KRT28: variants seen among roughly 807,000 people sequenced by gnomAD.
KRT28 encodes the protein keratin 28.
KRT28 carries 45 observed loss-of-function variants against 48.1 expected under a neutral mutation model. The ratio of observed to expected loss-of-function variants is 0.94; its 90% CI spans 0.74 to 1.20. The LOEUF is 1.20. Ranked by LOEUF, KRT28 falls within the 50% of genes most tolerant of loss-of-function variation. KRT28 has a pLI of 0.00. For synonymous variants in KRT28, 228 were observed against 227.4 expected (o/e 1.00, Z -0.03); for missense variants, 571 against 574.1 (o/e 0.99, Z 0.06).
Position 40,799,913 on chromosome 17 carries a change from A to G in KRT28, c.-20T>C. 4.4e-6 allele frequency: 7 copies of G among 1,575,290 alleles called. No individual in the cohort carries two copies. Among genetic ancestry groups the G allele is most frequent in the Non-Finnish European group, 6.1e-6 (7 of 1,153,266 alleles). On this transcript the variant is annotated 5_prime_UTR_variant, in exon 1 of 8. Transcript: ENST00000306658. ...AGACATGGTGTTTTGAGAAATGTTC[A>G]CCTTGTCTATGCAAAACTGTAATGT...
intron 2 of KRT28, 41 bp from the exon 3 acceptor site, chr17:40,798,432 A>C (rs1904672327): frequency 1.3e-6 from 2 of 1,570,150 alleles, no homozygotes; most frequent in Admixed American, 3.5e-5. Flanking sequence ...CAGTAAGACT[A>C]CCCCAAGAAA....
chr17:40,794,243 C>T (rs1221293200), intron 5 of KRT28, among the ~76,000 whole-genome samples, 197 bp from the exon 6 acceptor site: 7 of 152,158 alleles, frequency 4.6e-5, no homozygotes, highest in South Asian at 2.1e-4. Context: ...GATCCTGACC[C>T]GGGATAAATG....
intron 5 of KRT28, among the ~76,000 whole-genome samples, chr17:40,794,770 G>A (rs1264333500): frequency 6.6e-6 from 1 of 152,030 alleles, no homozygotes; most frequent in Non-Finnish European, 1.5e-5. Context: ...AAATATGTCT[G>A]GGCAATTATT....
In KRT28 at chr17:40,796,982, G is replaced by T; in HGVS notation, c.912C>A (p.Ser304Arg). 1.9e-6 allele frequency: 3 copies of T among 1,612,948 alleles called. No individual in the cohort carries two copies. Among genetic ancestry groups the T allele is most frequent in the Non-Finnish European group, 2.5e-6 (3 of 1,179,742 alleles). Residue 304 changes from serine to arginine, a missense_variant, in exon 5 of 8, where the codon AGC (serine) becomes AGA (arginine). Ser to Arg is a moderately radical substitution (Grantham distance 110). Transcript: ENST00000306658. ...GGGTGCGCCTCATCTCGGTGAGCTG[G>T]CTCCGGGCGAAAGTGGCTGCGCCTG... ...HDSGAATFAR[S>R]QLTEMRRTLQ...
chr17:40,796,995 G>C lies in KRT28; in HGVS notation c.899C>G (p.Thr300Ser). Reference sequence around the variant, plus strand: ...CTCGGTGAGCTGGCTCCGGGCGAAAGTGGCTGCGCCTGAGTCGTGGGAGAT... The same window carrying C: ...CTCGGTGAGCTGGCTCCGGGCGAAACTGGCTGCGCCTGAGTCGTGGGAGAT... The part of the protein sequence containing the change: ...QQISHDSGAA[T>S]FARSQLTEMR... The change falls in exon 5 of 8, where the codon ACT becomes AGT. Residue 300 changes from threonine (T) to serine (S), a missense_variant. Physicochemically the swap from Thr to Ser is moderately conservative, Grantham distance 58. Transcript: ENST00000306658. The C allele has an allele frequency of 6.2e-7, 1 of 1,613,104 alleles. No homozygotes were observed. The highest frequency in any genetic ancestry group is 8.5e-7 in the Non-Finnish European group (1 of 1,179,724).
intron 5 of KRT28, among the ~76,000 whole-genome samples, chr17:40,794,590 T>C (rs1001556953): frequency 3.9e-5 from 6 of 152,136 alleles, no homozygotes; most frequent in African/African-American, 1.4e-4. Flanking sequence ...TTAACAGATG[T>C]GAGATTTCAA....
chr17:40,799,375 TG>T (rs1309398530), intron 1 of KRT28, 68 bp downstream of exon 1: 6 of 1,192,218 alleles, frequency 5.0e-6, no homozygotes, highest in Non-Finnish European at 7.1e-6. Context: ...CATTTCTTAT[TG>T]TATGTCTTTT....
At chr17:40,797,511 G>A (rs1395885952) in intron 3 of KRT28, among the ~76,000 whole-genome samples, 10 of 152,296 alleles carry the variant, frequency 6.6e-5, no homozygotes, top group Admixed American at 3.3e-4. Context: ...CACTTTGGGA[G>A]GCTGAGGCGG....
At chr17:40,798,669 T>C (rs138100979) in intron 2 of KRT28, among the ~76,000 whole-genome samples, 26 of 152,324 alleles carry the variant, frequency 1.7e-4, no homozygotes, top group Non-Finnish European at 2.9e-4. Flanking sequence ...CTTAGTTGAC[T>C]AATGATTTAC....
chr17:40,797,470 C>A (rs1164744395), intron 3 of KRT28, among the ~76,000 whole-genome samples, 189 bp from the exon 4 acceptor site: 1 of 152,126 alleles, frequency 6.6e-6, no homozygotes, highest in South Asian at 2.1e-4. Flanking sequence ...AACTGTTGAC[C>A]GGGCGAGGTG....
intron 1 of KRT28, 106 bp downstream of exon 1, chr17:40,799,338 T>A: frequency 1.1e-6 from 1 of 941,114 alleles, no homozygotes; most frequent in Non-Finnish European, 1.6e-6. Flanking sequence ...TCTAAATAAA[T>A]AAATACAAGT....
In KRT28 at chr17:40,794,194, T is replaced by C. The variant is rs1904558835; in HGVS notation, c.979-148A>G. ...CAATCAAATGGGAAAGAAAGGAGGC[T>C]GGCATTTATGAAGTGAGGGCCAGGC... On this transcript the variant is annotated intron_variant, in intron 5 of 7. Transcript: ENST00000306658. 5.1e-6 allele frequency: 5 copies of C among 977,674 alleles called. No individual in the cohort carries two copies. The Admixed American group carries it at 1.0e-4, about 20-fold the overall frequency. The allele number at this position is 977,674 out of a possible 1,614,324, so 60.6% of individuals were successfully genotyped here.
intron 5 of KRT28, among the ~76,000 whole-genome samples, chr17:40,794,497 C>CA (rs1904568518): frequency 6.6e-6 from 1 of 151,546 alleles, no homozygotes; most frequent in South Asian, 2.1e-4. Flanking sequence ...TGTGCTACTG[C>CA]TTTTTTTTTC....
intron 6 of KRT28, 110 bp downstream of exon 6, chr17:40,793,719 C>G: frequency 9.8e-7 from 1 of 1,017,728 alleles, no homozygotes; most frequent in South Asian, 1.5e-5. Context: ...ACATGCTTTT[C>G]TGCAGTGGGA....
At chr17:40,795,507 C>T (rs1190726517) in intron 5 of KRT28, among the ~76,000 whole-genome samples, 1 of 152,122 alleles carries the variant, frequency 6.6e-6, no homozygotes, top group African/African-American at 2.4e-5. Context: ...TGTATTTAGA[C>T]AACTCCCAAC....
intron 4 of KRT28, 36 bp downstream of exon 4, chr17:40,797,084 G>A (rs762720803): frequency 1.2e-6 from 2 of 1,611,584 alleles, no homozygotes; most frequent in South Asian, 1.1e-5. Context: ...CCCCACCCCC[G>A]GGGAGGTGTG....
chr17:40,792,790 A>T (rs1265686870), intron 7 of KRT28, among the ~76,000 whole-genome samples: 2 of 152,202 alleles, frequency 1.3e-5, no homozygotes, highest in Non-Finnish European at 1.5e-5. Context: ...TATGACTGCC[A>T]TTAATGTAAA....
intron 3 of KRT28, 55 bp downstream of exon 3, chr17:40,798,180 C>T (rs1904659816): frequency 2.0e-6 from 3 of 1,517,542 alleles, no homozygotes; most frequent in Middle Eastern, 3.6e-4. Context: ...CAACCCCTGC[C>T]CAGTATTTAA....
chr17:40,798,968 A>G lies in KRT28; in HGVS notation c.482T>C (p.Val161Ala), dbSNP rs757474993. ...TCTGGCATTATCAATCTGCAGAATG[A>G]CATTAGCATTAGTAGTAGTGGAGGA... The part of the protein sequence containing the change: ...IISSTTTNAN[V>A]ILQIDNARLA... Residue 161 changes from valine (V) to alanine (A), a missense_variant, in exon 2 of 8, where the codon GTC (valine) becomes GCC (alanine). By Grantham distance (64) the Val-to-Ala change is moderately conservative. Coordinates refer to ENST00000306658, the MANE Select transcript of KRT28 (RefSeq NM_181535.3). 10 of 1,607,560 alleles carry G rather than the reference A, an allele frequency of 6.2e-6. No individual in the cohort carries two copies. Among genetic ancestry groups the G allele is most frequent in the Non-Finnish European group, 7.7e-6 (9 of 1,176,384 alleles).
Sources: allele counts gnomAD v4.1 joint callset (sites outside exome capture counted in the v4.1 genomes callset), GRCh38; gene constraint gnomAD v4.1.1; transcripts MANE v1.5; gene names NCBI Gene and HGNC (gene_info 2026-07-23, HGNC 2026-07-21).